Variants in CCDC60 observed in about 807,000 individuals in gnomAD.
The protein encoded by CCDC60 is coiled-coil domain containing 60.
In CCDC60, 54 loss-of-function variants were observed where a neutral mutation model predicts 63.5. The observed-to-expected ratio is 0.85, with a 90% CI of 0.68 to 1.07. The LOEUF is 1.07. Ranked by LOEUF, CCDC60 falls within the 50% of genes least tolerant of loss-of-function variation. CCDC60 has a pLI of 0.00. For missense variants in CCDC60, 651 were observed against 684.3 expected (o/e 0.95, Z 0.54); for synonymous variants, 206 against 238.8 (o/e 0.86, Z 1.27).
In CCDC60 at chr12:119,397,343, T is replaced by G. The variant is rs146220932; in HGVS notation, c.91-31340T>G. ...CTGGCCCTACCCACACCCTGCTGAT[T>G]GGCCCATTTTACAGAGAGCTGATTG... On this transcript the variant is annotated intron_variant, in intron 1 of 13. Coordinates refer to ENST00000327554, the MANE Select transcript of CCDC60 (RefSeq NM_178499.5). Among the ~76,000 whole-genome samples, 1,270 of 152,336 alleles carry G rather than the reference T, an allele frequency of 8.3e-3. 15 individuals are homozygous for G. The highest frequency in any genetic ancestry group is 0.029 in the African/African-American group (1,195 of 41,578).
rs539843698 is a variant in CCDC60, at chr12:119,474,043, A to G, written c.341+1879A>G. On this transcript the variant is annotated intron_variant, in intron 3 of 13. Transcript: ENST00000327554. ...ACTTTTAGTTCTTTAAGGAAACTCCATACTGTTTTCCACAGTGGTTGTACT... is the reference window on the plus strand; with the variant it reads ...ACTTTTAGTTCTTTAAGGAAACTCCGTACTGTTTTCCACAGTGGTTGTACT... 3.9e-5 allele frequency among the ~76,000 whole-genome samples: 6 copies of G among 152,348 alleles called. No homozygotes were observed. In the South Asian group the frequency reaches 1.2e-3, roughly 32 times the overall value.
At chr12:119,480,474 G>A (rs1385044944) in intron 4 of CCDC60, among the ~76,000 whole-genome samples, 4 of 152,170 alleles carry the variant, frequency 2.6e-5, no homozygotes, top group Admixed American at 2.6e-4. Context: ...ATACAAGAGT[G>A]AAATCATAGG....
At chr12:119,457,515 C>T (rs760722225) in intron 2 of CCDC60, among the ~76,000 whole-genome samples, 3 of 152,218 alleles carry the variant, frequency 2.0e-5, no homozygotes, top group Non-Finnish European at 4.4e-5. Context: ...AATGTGGTTG[C>T]AATAAGCACT....
rs757229203 is a variant in CCDC60 at position 119,505,053 on chromosome 12, C to T, written c.649-16C>T. The T allele has an allele frequency of 1.3e-6, 2 of 1,559,702 alleles. No homozygotes were observed. The highest frequency in any genetic ancestry group is 1.4e-5 in the African/African-American group (1 of 73,248). On this transcript the variant is annotated splice_polypyrimidine_tract_variant and intron_variant, in intron 6 of 13. Transcript: ENST00000327554. ...CCCCTCCTTCCTGAAACCTCTCTTT[C>T]TTCTCTTTCCTTTAGACCAAGAAAT... is the stretch of plus-strand genomic sequence containing the variant.
At chr12:119,520,795 G>A (rs911366181) in intron 9 of CCDC60, among the ~76,000 whole-genome samples, 1 of 152,066 alleles carries the variant, frequency 6.6e-6, no homozygotes, top group Non-Finnish European at 1.5e-5. Flanking sequence ...ACCTCCCTTG[G>A]CCTTCTAAAT....
Position 119,530,829 on chromosome 12 carries a change from T to A in CCDC60, c.1362-45T>A, listed in dbSNP as rs199892659. On this transcript the variant is annotated intron_variant, in intron 12 of 13. Transcript: ENST00000327554. ...AGATGGATGGCCAGAGGTGCTCAGA[T>A]CTTCCAGCAGCTTCCTAACTTGTCC... is the stretch of plus-strand genomic sequence containing the variant. 307 of 1,552,708 alleles carry A rather than the reference T, an allele frequency of 2.0e-4. 1 individual carries two copies. The highest frequency in any genetic ancestry group is 8.5e-4 in the South Asian group (72 of 84,842).
At position 119,462,791 on chromosome 12, in the gene CCDC60, CATTTATTTATTT is replaced by C. The variant is rs61602899; in HGVS notation, c.171-9166_171-9155del. 9.6e-4 allele frequency among the ~76,000 whole-genome samples: 135 copies of C among 140,882 alleles called. 1 individual carries two copies. Among genetic ancestry groups the C allele is most frequent in the Admixed American group, 4.0e-3 (56 of 13,874 alleles). The allele number at this position is 140,882 out of a possible 152,430, so 92.4% of individuals were successfully genotyped here. On this transcript the variant is annotated intron_variant, in intron 2 of 13. Coordinates refer to ENST00000327554, the MANE Select transcript of CCDC60 (RefSeq NM_178499.5). Reference sequence around the variant, plus strand: ...ATATGCTACCATGCCCAACTAACTTCATTTATTTATTTATTTATTTATTTATTTATTTATTTA... The same window carrying C: ...ATATGCTACCATGCCCAACTAACTTCATTTATTTATTTATTTATTTATTTA...
At chr12:119,471,592 C>T (rs1951059516) in intron 2 of CCDC60, among the ~76,000 whole-genome samples, 1 of 151,874 alleles carries the variant, frequency 6.6e-6, no homozygotes, top group South Asian at 2.1e-4. Flanking sequence ...AAATGAGGCT[C>T]AGAGAGATTC....
At chr12:119,351,874 C>T (rs1366472354) in intron 1 of CCDC60, among the ~76,000 whole-genome samples, 1 of 152,238 alleles carries the variant, frequency 6.6e-6, no homozygotes, top group Admixed American at 6.5e-5. Context: ...CTGTTCCAAA[C>T]TCTGCCTATT....
chr12:119,406,018 A>G (rs1956481695), intron 1 of CCDC60, among the ~76,000 whole-genome samples: 1 of 152,138 alleles, frequency 6.6e-6, no homozygotes. Context: ...CTAAAAATAC[A>G]AAATTAGCTG....
rs1566050068 is a variant in CCDC60, at chr12:119,507,553, TATATATATATATATATGTATATATACAC to T, written c.883+2260_883+2287del. Among the ~76,000 whole-genome samples, 14 of 48,902 alleles carry T rather than the reference TATATATATATATATATGTATATATACAC, an allele frequency of 2.9e-4. 1 individual carries two copies. The highest frequency in any genetic ancestry group is 1.4e-3 in the African/African-American group (14 of 10,002). 32.1% of individuals were successfully genotyped at this position (48,902 alleles called of 152,430 possible). A position where few individuals can be genotyped will look rare whatever the true frequency, so the allele number is the denominator to read the frequency against. On this transcript the variant is annotated intron_variant, in intron 7 of 13. Transcript: ENST00000327554. The stretch of plus-strand genomic sequence containing the variant: ...ACATATATATACACATATATATACA[TATATATATATATATATGTATATATACAC>T]ATATATATACATATATATATATATA...
At chr12:119,373,901 A>G (rs922341275) in intron 1 of CCDC60, among the ~76,000 whole-genome samples, 1 of 152,170 alleles carries the variant, frequency 6.6e-6, no homozygotes, top group African/African-American at 2.4e-5. Context: ...TGAACCTGGA[A>G]TTTCAAATGA....
intron 2 of CCDC60, chr12:119,433,694 TA>T: frequency 1.5e-6 from 1 of 660,318 alleles, no homozygotes; most frequent in African/African-American, 1.8e-5. Context: ...TGTTGGAGAC[TA>T]GCTCACCTTG....
chr12:119,417,211 G>C (rs1218398794), intron 1 of CCDC60, among the ~76,000 whole-genome samples: 1 of 152,070 alleles, frequency 6.6e-6, no homozygotes, highest in Admixed American at 6.6e-5. Flanking sequence ...GCTTCCCAGA[G>C]GACACTTGGC....
chr12:119,360,327 G>A (rs1168013134), intron 1 of CCDC60, among the ~76,000 whole-genome samples: 2 of 149,188 alleles, frequency 1.3e-5, no homozygotes, highest in African/African-American at 5.0e-5. Flanking sequence ...CTGGGCGGCT[G>A]GCCAGGCGGG....
chr12:119,356,284 C>G (rs1955717406), intron 1 of CCDC60, among the ~76,000 whole-genome samples: 1 of 152,146 alleles, frequency 6.6e-6, no homozygotes, highest in Non-Finnish European at 1.5e-5. Flanking sequence ...ATGAGGTGTT[C>G]TATGGAAATC....
chr12:119,409,337 T>A (rs1956551482), intron 1 of CCDC60, among the ~76,000 whole-genome samples: 1 of 152,106 alleles, frequency 6.6e-6, no homozygotes, highest in Non-Finnish European at 1.5e-5. Flanking sequence ...TCCTGTATAT[T>A]GTAGGATGTT....
At chr12:119,376,624 T>C (rs1955953580) in intron 1 of CCDC60, among the ~76,000 whole-genome samples, 1 of 151,836 alleles carries the variant, frequency 6.6e-6, no homozygotes, top group African/African-American at 2.4e-5. Flanking sequence ...TAAGACTTTG[T>C]CTCAAAAAAA....
intron 1 of CCDC60, among the ~76,000 whole-genome samples, chr12:119,401,854 G>A (rs1332141703): frequency 1.3e-5 from 2 of 152,180 alleles, no homozygotes; most frequent in Non-Finnish European, 2.9e-5. Flanking sequence ...TATTTTACCA[G>A]TGGGACCAAT....
Sources: gnomAD v4.1 joint callset for allele counts (sites outside exome capture counted in the v4.1 genomes callset) on GRCh38, gnomAD v4.1.1 for gene constraint, MANE v1.5 for transcripts, NCBI Gene and HGNC (gene_info 2026-07-23, HGNC 2026-07-21) for gene names.